NOX4: variants seen among roughly 807,000 people sequenced by gnomAD.
NOX4 encodes NADPH oxidase 4.
In NOX4, 69 loss-of-function variants were observed where a neutral mutation model predicts 87.6. That is an observed-to-expected ratio of 0.79 (90% CI 0.65 to 0.96). NOX4 has a LOEUF of 0.96. Ranked by LOEUF, NOX4 falls within the 40% of genes least tolerant of loss-of-function variation. NOX4 has a pLI of 0.00. For synonymous variants in NOX4, 275 were observed against 238.2 expected (o/e 1.15, Z -1.42); for missense variants, 680 against 681.5 (o/e 1.00, Z 0.02).
the NOX4 span, among the ~76,000 whole-genome samples, chr11:89,511,069 C>T: frequency 1.4e-4 from 21 of 151,998 alleles, no homozygotes; most frequent in African/African-American, 5.1e-4. Context: ...AGGTATGCTA[C>T]CATTGTTTCT....
chr11:89,530,361 G>GA, the NOX4 span, among the ~76,000 whole-genome samples: 1 of 46,730 alleles, frequency 2.1e-5, no homozygotes, highest in Non-Finnish European at 4.5e-5. Context: ...TTTTTTTTTT[G>GA]AGATGGAGTC....
At chr11:89,551,019 A>C in the NOX4 span, among the ~76,000 whole-genome samples, 1 of 152,142 alleles carries the variant, frequency 6.6e-6, no homozygotes, top group Non-Finnish European at 1.5e-5. Context: ...CAGTTTTCCC[A>C]AAGTCATTTA....
chr11:89,538,762 G>A, the NOX4 span, among the ~76,000 whole-genome samples: 1 of 151,600 alleles, frequency 6.6e-6, no homozygotes, highest in Non-Finnish European at 1.5e-5. Context: ...CATAAGTTAA[G>A]AATAAAGTGT....
chr11:89,444,308 C>T (rs1049269880), intron 4 of NOX4, 76 bp from the exon 5 acceptor site: 14 of 1,226,844 alleles, frequency 1.1e-5, no homozygotes, highest in Non-Finnish European at 1.7e-5. Flanking sequence ...TCTTCCTCTC[C>T]CTAAGTAAAT....
chr11:89,492,750 G>A (rs966986398), upstream of NOX4, among the ~76,000 whole-genome samples: 1 of 151,876 alleles, frequency 6.6e-6, no homozygotes, highest in Admixed American at 6.6e-5. Flanking sequence ...AAACCCAAGG[G>A]GTCTCTCCAC....
intron 2 of NOX4, among the ~76,000 whole-genome samples, chr11:89,489,405 G>C (rs1946759578): frequency 6.6e-6 from 1 of 152,026 alleles, no homozygotes; most frequent in South Asian, 2.1e-4. Context: ...GTTTTTGCAG[G>C]GTTTTACACT....
the NOX4 span, among the ~76,000 whole-genome samples, chr11:89,584,720 A>G: frequency 6.6e-6 from 1 of 152,284 alleles, no homozygotes; most frequent in Middle Eastern, 3.4e-3. Flanking sequence ...TCAAGAATTG[A>G]GCATTGAAAT....
At chr11:89,346,756 T>C (rs991402463) in intron 13 of NOX4, among the ~76,000 whole-genome samples, 22 of 152,212 alleles carry the variant, frequency 1.4e-4, no homozygotes, top group Admixed American at 3.3e-4. Context: ...GGCTTGTTTA[T>C]TGCTTGCTCA....
At chr11:89,426,256 G>A (rs1358568324) in intron 7 of NOX4, among the ~76,000 whole-genome samples, 3 of 152,218 alleles carry the variant, frequency 2.0e-5, no homozygotes, top group Admixed American at 1.3e-4. Context: ...TTCCAAAATG[G>A]CCAAATAGGA....
the NOX4 span, among the ~76,000 whole-genome samples, chr11:89,584,950 G>A: frequency 6.6e-6 from 1 of 152,054 alleles, no homozygotes; most frequent in Admixed American, 6.6e-5. Context: ...GGATATACAA[G>A]GACTTGTAGC....
At chr11:89,482,701 AG>A (rs1334321096) in intron 2 of NOX4, among the ~76,000 whole-genome samples, 1 of 152,102 alleles carries the variant, frequency 6.6e-6, no homozygotes, top group African/African-American at 2.4e-5. Flanking sequence ...TAGTTATACA[AG>A]TCCACCTCAT....
At chr11:89,346,472 T>TA (rs537516845) in intron 13 of NOX4, among the ~76,000 whole-genome samples, 2,781 of 139,168 alleles carry the variant, frequency 0.02, 67 homozygotes, top group African/African-American at 0.062. Context: ...TGCCTAAAAA[T>TA]AAAAAAAAAA....
chr11:89,367,599 A>G (rs1221809240), intron 12 of NOX4, among the ~76,000 whole-genome samples: 1 of 152,076 alleles, frequency 6.6e-6, no homozygotes, highest in East Asian at 1.9e-4. Flanking sequence ...CTCAAAAGAT[A>G]AAGTCTTCCA....
At chr11:89,516,200 G>A in the NOX4 span, among the ~76,000 whole-genome samples, 1 of 151,852 alleles carries the variant, frequency 6.6e-6, no homozygotes, top group South Asian at 2.1e-4. Context: ...TTAGTACTGT[G>A]CTATCACATG....
At chr11:89,468,664 C>T (rs983487810) in intron 2 of NOX4, among the ~76,000 whole-genome samples, 2 of 151,770 alleles carry the variant, frequency 1.3e-5, no homozygotes, top group African/African-American at 4.8e-5. Flanking sequence ...AAGAATTAAC[C>T]TATTCTATTA....
chr11:89,373,335 A>T (rs1000863676), intron 12 of NOX4, 97 bp downstream of exon 12: 162 of 667,368 alleles, frequency 2.4e-4, no homozygotes, highest in Middle Eastern at 2.8e-4. Flanking sequence ...ACACATACAC[A>T]TCTCTATACA....
At chr11:89,549,807 A>G in the NOX4 span, among the ~76,000 whole-genome samples, 1 of 152,218 alleles carries the variant, frequency 6.6e-6, no homozygotes, top group Admixed American at 6.5e-5. Context: ...ATGCCCCTGC[A>G]AAAGACATGA....
At chr11:89,528,854 A>G in the NOX4 span, among the ~76,000 whole-genome samples, 1 of 152,196 alleles carries the variant, frequency 6.6e-6, no homozygotes, top group African/African-American at 2.4e-5. Flanking sequence ...CTGACAAATC[A>G]ATCAATTTAT....
At chr11:89,561,666 G>T in the NOX4 span, among the ~76,000 whole-genome samples, 3 of 151,996 alleles carry the variant, frequency 2.0e-5, no homozygotes, top group African/African-American at 7.3e-5. Flanking sequence ...ATATCACCTA[G>T]GCATCTACAC....
Sources: allele counts gnomAD v4.1 joint callset (sites outside exome capture counted in the v4.1 genomes callset), GRCh38; gene constraint gnomAD v4.1.1; transcripts MANE v1.5; gene names NCBI Gene and HGNC (gene_info 2026-07-23, HGNC 2026-07-21).